Variants in PTPRT observed in about 807,000 individuals in gnomAD.
PTPRT encodes receptor-type tyrosine-protein phosphatase T.
PTPRT carries 56 observed loss-of-function variants against 176.8 expected under a neutral mutation model. The observed-to-expected ratio is 0.32, with a 90% CI of 0.26 to 0.40. The LOEUF (loss-of-function observed/expected upper bound fraction) is 0.40. PTPRT is among the 10% of genes least tolerant of loss of function. The probability of loss-of-function intolerance (pLI) is 1.00; values close to 1 mark genes in which losing one functional copy is unlikely to be tolerated. For synonymous variants in PTPRT, 783 were observed against 739.0 expected (o/e 1.06, Z -0.96); for missense variants, 1,540 against 1,908.2 (o/e 0.81, Z 3.60).
chr20:42,086,747 A>ATATATATATAT (rs59722053), intron 27 of PTPRT, among the ~76,000 whole-genome samples: 3 of 58,758 alleles, frequency 5.1e-5, no homozygotes, highest in African/African-American at 2.3e-4. Flanking sequence ...AAAAAAAAAA[A>ATATATATATAT]AAAAAAATAT....
intron 1 of PTPRT, among the ~76,000 whole-genome samples, chr20:43,174,551 G>A (rs1423943969): frequency 3.9e-5 from 6 of 151,918 alleles, no homozygotes; most frequent in Non-Finnish European, 5.9e-5. Flanking sequence ...TGTTATTATC[G>A]CCCATCATCC....
At chr20:42,535,329 G>A (rs954130080) in intron 7 of PTPRT, among the ~76,000 whole-genome samples, 1 of 152,152 alleles carries the variant, frequency 6.6e-6, no homozygotes, top group Admixed American at 6.5e-5. Context: ...CTTGAGGGTA[G>A]AGGGAGGGAG....
chr20:42,579,258 A>C (rs1042260706), intron 7 of PTPRT, among the ~76,000 whole-genome samples: 2 of 152,050 alleles, frequency 1.3e-5, no homozygotes, highest in African/African-American at 4.8e-5. Context: ...TTATGACTGC[A>C]TAGTATTCCA....
intron 8 of PTPRT, among the ~76,000 whole-genome samples, chr20:42,461,693 G>T (rs2071022688): frequency 6.6e-6 from 1 of 152,200 alleles, no homozygotes; most frequent in African/African-American, 2.4e-5. Flanking sequence ...GACTTTCTGA[G>T]TAATGACTAT....
At position 42,390,021 on chromosome 20, in the gene PTPRT, C is replaced by G. The variant is rs926682259; in HGVS notation, c.1561-37736G>C. Among the ~76,000 whole-genome samples the G allele has an allele frequency of 2.0e-5, 3 of 152,042 alleles. 1 individual carries two copies. On this transcript the variant is annotated intron_variant, in intron 9 of 30. Coordinates refer to ENST00000373187, the MANE Select transcript of PTPRT (RefSeq NM_007050.6). ...TATAAATTAGTCAGTCTGTGGTATT[C>G]GGTTATATCAGCACAGTATGGACTT... is the stretch of plus-strand genomic sequence containing the variant.
intron 27 of PTPRT, among the ~76,000 whole-genome samples, chr20:42,087,839 C>T (rs1319387034): frequency 7.4e-6 from 1 of 134,834 alleles, no homozygotes; most frequent in Non-Finnish European, 1.5e-5. Flanking sequence ...CGCCACTGTA[C>T]TCCAACCTGG....
intron 1 of PTPRT, among the ~76,000 whole-genome samples, chr20:42,906,341 C>A (rs1220655470): frequency 6.6e-6 from 1 of 152,180 alleles, no homozygotes. Flanking sequence ...CGCTGAGTGG[C>A]CCGGCTCCAG....
chr20:43,172,552 A>G (rs1383372733), intron 1 of PTPRT, among the ~76,000 whole-genome samples: 1 of 152,092 alleles, frequency 6.6e-6, no homozygotes, highest in Non-Finnish European at 1.5e-5. Flanking sequence ...ACAATTGGTC[A>G]CCCCAGCCAC....
intron 2 of PTPRT, among the ~76,000 whole-genome samples, chr20:42,883,721 C>CCT (rs1555800203): frequency 0.091 from 949 of 10,376 alleles, 43 homozygotes; most frequent in Middle Eastern, 0.5. Context: ...TACACACACA[C>CCT]CCATACACCC....
At chr20:43,112,237 A>G (rs1370175368) in intron 1 of PTPRT, among the ~76,000 whole-genome samples, 1 of 151,022 alleles carries the variant, frequency 6.6e-6, no homozygotes, top group African/African-American at 2.5e-5. Flanking sequence ...TTGATTGGAT[A>G]GAAGGCAAAG....
At chr20:42,181,758 C>T (rs1264904076) in intron 16 of PTPRT, among the ~76,000 whole-genome samples, 12 of 152,194 alleles carry the variant, frequency 7.9e-5, no homozygotes, top group East Asian at 3.9e-4. Context: ...AGTAGAAGCC[C>T]GGACAGAAGT....
chr20:42,852,362 C>A (rs2078488530), intron 2 of PTPRT, among the ~76,000 whole-genome samples: 1 of 152,142 alleles, frequency 6.6e-6, no homozygotes. Context: ...ATCTTCATCC[C>A]AAGCTTTAAA....
chr20:42,081,974 C>T lies in PTPRT; in HGVS notation c.4180G>A (p.Val1394Met). 1 of 1,614,254 alleles carries T rather than the reference C, an allele frequency of 6.2e-7. No homozygotes were observed. Among genetic ancestry groups the T allele is most frequent in the Non-Finnish European group, 8.5e-7 (1 of 1,180,052 alleles). The change falls in exon 30 of 31, where the codon GTG becomes ATG. Residue 1394 changes from valine to methionine, a missense_variant. Coordinates refer to ENST00000373187, the MANE Select transcript of PTPRT (RefSeq NM_007050.6). ...TTTTGCTGCTGGATCATCTCACACACACTGCAGATGGCACAGAAGGTTCCA... is the reference window on the plus strand; with the variant it reads ...TTTTGCTGCTGGATCATCTCACACATACTGCAGATGGCACAGAAGGTTCCA... ...RSGTFCAICSVCEMIQQQNII... is the reference protein window; with the variant it reads ...RSGTFCAICSMCEMIQQQNII...
chr20:42,431,027 C>T (rs756549592), intron 9 of PTPRT, among the ~76,000 whole-genome samples: 6 of 151,792 alleles, frequency 4.0e-5, no homozygotes, highest in African/African-American at 7.3e-5. Flanking sequence ...TTCGTGTGTG[C>T]GGTGGGGGTG....
At chr20:42,976,041 A>AT (rs1982927127) in intron 1 of PTPRT, among the ~76,000 whole-genome samples, 1 of 152,066 alleles carries the variant, frequency 6.6e-6, no homozygotes, top group African/African-American at 2.4e-5. Context: ...TATCATGCCC[A>AT]TTTGACAGAT....
intron 1 of PTPRT, among the ~76,000 whole-genome samples, chr20:42,888,993 C>T (rs1358542999): frequency 1.3e-5 from 2 of 152,184 alleles, no homozygotes; most frequent in African/African-American, 4.8e-5. Flanking sequence ...AGAAGGCTCA[C>T]AGCTATACCT....
At position 43,129,267 on chromosome 20, in the gene PTPRT, C is replaced by T. The variant is rs1373317032; in HGVS notation, c.88+60379G>A. Among the ~76,000 whole-genome samples, 4 of 152,226 alleles carry T rather than the reference C, an allele frequency of 2.6e-5. No homozygotes were observed. In the South Asian group the frequency reaches 8.3e-4, roughly 32 times the overall value. The stretch of plus-strand genomic sequence containing the variant: ...GAGGAAGGAGGCAGAGTCCTGATCC[C>T]ATATGTCAGGACCACCGCCTGTGAT... On this transcript the variant is annotated intron_variant, in intron 1 of 30. Coordinates refer to ENST00000373187, the MANE Select transcript of PTPRT (RefSeq NM_007050.6).
At chr20:42,171,919 T>TA (rs1261929229) in intron 16 of PTPRT, among the ~76,000 whole-genome samples, 9 of 152,028 alleles carry the variant, frequency 5.9e-5, no homozygotes, top group Admixed American at 2.6e-4. Context: ...GAACTCATAG[T>TA]AAAAAATAAA....
chr20:42,503,799 C>T (rs1457856158), intron 7 of PTPRT, among the ~76,000 whole-genome samples: 1 of 152,082 alleles, frequency 6.6e-6, no homozygotes, highest in Non-Finnish European at 1.5e-5. Context: ...GCCTTCTGCT[C>T]ATACCAGTCT....
Sources: allele counts gnomAD v4.1 joint callset (sites outside exome capture counted in the v4.1 genomes callset), GRCh38; gene constraint gnomAD v4.1.1; transcripts MANE v1.5; gene names NCBI Gene and HGNC (gene_info 2026-07-23, HGNC 2026-07-21).